Variants in SOX6 observed in about 807,000 individuals in gnomAD.
The protein encoded by SOX6 is SRY-box transcription factor 6.
In SOX6, 11 loss-of-function variants were observed where a neutral mutation model predicts 97.8. The observed-to-expected ratio is 0.11, with a 90% CI of 0.07 to 0.19. The LOEUF (loss-of-function observed/expected upper bound fraction) is 0.19. Ranked by LOEUF, SOX6 falls within the 10% of genes least tolerant of loss-of-function variation. The pLI is 1.00. For missense variants in SOX6, 810 were observed against 1,039.5 expected, an observed-to-expected ratio of 0.78 and a Z score of 3.04; for synonymous variants, 360 against 371.4, an observed-to-expected ratio of 0.97 and a Z score of 0.35.
intron 9 of SOX6, among the ~76,000 whole-genome samples, chr11:16,067,804 C>A (rs1848128617): frequency 6.6e-6 from 1 of 152,052 alleles, no homozygotes. Flanking sequence ...TATTCACCTA[C>A]TATGTGCCCA....
At chr11:16,214,020 A>G (rs1218228003) in intron 4 of SOX6, among the ~76,000 whole-genome samples, 2 of 152,190 alleles carry the variant, frequency 1.3e-5, no homozygotes, top group Admixed American at 6.5e-5. Context: ...TGTCCAATAG[A>G]GCTTTCTTAT....
chr11:16,366,956 C>T (rs988974087), intron 1 of SOX6, among the ~76,000 whole-genome samples: 4 of 152,152 alleles, frequency 2.6e-5, no homozygotes, highest in African/African-American at 7.2e-5. Context: ...AAGATAACTA[C>T]ACCCCCTAAA....
chr11:16,270,071 G>A (rs1230988602), intron 3 of SOX6: 1 of 151,268 alleles, frequency 6.6e-6, no homozygotes, highest in African/African-American at 2.4e-5. Flanking sequence ...ATTTTGTCCT[G>A]TTAATAAATA....
rs11023852 is a variant in SOX6, at chr11:16,132,338, A to G, written c.778-20415T>C. Among the ~76,000 whole-genome samples the G allele has an allele frequency of 1.6e-3, 65 of 40,592 alleles. 4 individuals are homozygous for G. The highest frequency in any genetic ancestry group is 3.4e-3 in the African/African-American group (32 of 9,320). The allele number at this position is 40,592 out of a possible 152,430, so 26.6% of individuals were successfully genotyped here. ...AGGAAGGAAGGAAGGAAGGAAAGAA[A>G]AAAGAAAGAAAGAAAGAAAGAAAGA... On this transcript the variant is annotated intron_variant, in intron 6 of 15. Coordinates refer to ENST00000683767, the MANE Select transcript of SOX6 (RefSeq NM_001367873.1).
chr11:16,728,667 C>T (rs762546263), intron 2 of SOX6, among the ~76,000 whole-genome samples: 4 of 152,148 alleles, frequency 2.6e-5, no homozygotes, highest in Non-Finnish European at 4.4e-5. Context: ...ACCAGAACAC[C>T]TCTTCTCCTC....
chr11:16,354,633 C>G (rs1484741249), intron 1 of SOX6, among the ~76,000 whole-genome samples: 1 of 151,940 alleles, frequency 6.6e-6, no homozygotes, highest in Non-Finnish European at 1.5e-5. Context: ...TTCAAACCAC[C>G]TATTATTAAC....
chr11:16,215,600 A>T (rs1852351690), intron 4 of SOX6, among the ~76,000 whole-genome samples: 1 of 152,134 alleles, frequency 6.6e-6, no homozygotes, highest in Non-Finnish European at 1.5e-5. Context: ...TGCGTTGTAG[A>T]TCACATTATC....
At chr11:16,363,584 C>G (rs1467488247) in intron 1 of SOX6, among the ~76,000 whole-genome samples, 1 of 152,074 alleles carries the variant, frequency 6.6e-6, no homozygotes, top group Admixed American at 6.6e-5. Context: ...GGGCTAAGAA[C>G]CATGCCCTGT....
intron 4 of SOX6, among the ~76,000 whole-genome samples, chr11:16,511,098 G>A (rs1590228244): frequency 6.6e-6 from 1 of 152,078 alleles, no homozygotes; most frequent in African/African-American, 2.4e-5. Context: ...AGTTAAAAGA[G>A]GAGCTTCATT....
At chr11:16,133,329 G>T (rs376047091) in intron 6 of SOX6, among the ~76,000 whole-genome samples, 1 of 152,162 alleles carries the variant, frequency 6.6e-6, no homozygotes, top group South Asian at 2.1e-4. Flanking sequence ...TGCTACAGTT[G>T]CTTTTCAAGG....
At chr11:15,991,675 A>C (rs1854056123) in intron 13 of SOX6, among the ~76,000 whole-genome samples, 1 of 152,220 alleles carries the variant, frequency 6.6e-6, no homozygotes, top group African/African-American at 2.4e-5. Flanking sequence ...GCAAAACCAA[A>C]TAGTCAGCTT....
At chr11:16,230,912 A>G (rs1227565508) in intron 4 of SOX6, among the ~76,000 whole-genome samples, 2 of 151,766 alleles carry the variant, frequency 1.3e-5, no homozygotes, top group Non-Finnish European at 3.0e-5. Flanking sequence ...AGAGTGTAAT[A>G]AAAGATGCCA....
intron 4 of SOX6, among the ~76,000 whole-genome samples, chr11:16,505,384 G>C (rs1860769368): frequency 6.6e-6 from 1 of 152,170 alleles, no homozygotes; most frequent in Non-Finnish European, 1.5e-5. Flanking sequence ...ATTCTAAGCA[G>C]CAAAGCATTC....
intron 1 of SOX6, among the ~76,000 whole-genome samples, chr11:16,405,761 G>A (rs571475158): frequency 6.6e-6 from 1 of 152,094 alleles, no homozygotes; most frequent in African/African-American, 2.4e-5. Context: ...AGTTGAGCTT[G>A]CAGAGTATAA....
chr11:16,567,400 T>C (rs946711575), intron 4 of SOX6: 1 of 152,130 alleles, frequency 6.6e-6, no homozygotes, highest in African/African-American at 2.4e-5. Context: ...AAATACAGTA[T>C]ACAGTAACCT....
intron 3 of SOX6, among the ~76,000 whole-genome samples, chr11:16,635,683 A>G (rs1848775019): frequency 1.3e-5 from 2 of 152,252 alleles, no homozygotes; most frequent in African/African-American, 4.8e-5. Context: ...TGCCCCTCCC[A>G]TCACAGGCCC....
chr11:16,571,518 A>T (rs927832136), intron 4 of SOX6, among the ~76,000 whole-genome samples: 27 of 152,074 alleles, frequency 1.8e-4, no homozygotes, highest in African/African-American at 6.5e-4. Flanking sequence ...ACGACCTGGA[A>T]CTCCTGGGCT....
At chr11:16,557,228 G>A (rs1195160164) in intron 4 of SOX6, among the ~76,000 whole-genome samples, 2 of 151,814 alleles carry the variant, frequency 1.3e-5, no homozygotes, top group East Asian at 1.9e-4. Context: ...CACATGAAGT[G>A]TAAAGATGGA....
In SOX6 at chr11:16,349,487, G is replaced by A. The variant is rs537482044; in HGVS notation, c.-5+6607C>T. Among the ~76,000 whole-genome samples, 6 of 151,910 alleles carry A rather than the reference G, an allele frequency of 3.9e-5. No homozygotes were observed. In the South Asian group the frequency reaches 6.2e-4, roughly 16 times the overall value. On this transcript the variant is annotated intron_variant, in intron 1 of 15. Transcript: ENST00000683767. ...GAAAATTAGCCACCCATGGCGGTGC[G>A]CGCCTGTAATCCCAGCTCTGCAGGA...
Sources: allele counts gnomAD v4.1 joint callset (sites outside exome capture counted in the v4.1 genomes callset), GRCh38; gene constraint gnomAD v4.1.1; transcripts MANE v1.5; gene names NCBI Gene and HGNC (gene_info 2026-07-23, HGNC 2026-07-21).